RALGPS1: variants seen among roughly 807,000 people sequenced by gnomAD.
The protein encoded by RALGPS1 is Ral GEF with PH domain and SH3 binding motif 1, also known as ras-specific guanine nucleotide-releasing factor RalGPS1.
In RALGPS1, 19 loss-of-function variants were observed where a neutral mutation model predicts 78.8. The observed-to-expected ratio is 0.24, with a 90% CI of 0.17 to 0.35. The LOEUF (loss-of-function observed/expected upper bound fraction) is 0.35, where lower values mean the gene tolerates loss of function less well. Ranked by LOEUF, RALGPS1 falls within the 10% of genes least tolerant of loss-of-function variation. RALGPS1 has a pLI of 1.00. For missense variants in RALGPS1, 454 were observed against 688.3 expected (o/e 0.66, Z 3.81); for synonymous variants, 228 against 256.3 (o/e 0.89, Z 1.06).
chr9:127,051,843 A>C (rs1589221458), intron 6 of RALGPS1, among the ~76,000 whole-genome samples: 3 of 152,218 alleles, frequency 2.0e-5, no homozygotes, highest in East Asian at 1.9e-4. Context: ...AAGCAAGTAC[A>C]ATCCAGTGTG....
At position 127,221,477 on chromosome 9, in the gene RALGPS1, C is replaced by T. The variant is rs1053658818; in HGVS notation, c.*2708C>T. 3 of 152,210 alleles carry T rather than the reference C, an allele frequency of 2.0e-5. No homozygotes were observed. The highest frequency in any genetic ancestry group is 7.2e-5 in the African/African-American group (3 of 41,454). 9.4% of individuals were successfully genotyped at this position (152,210 alleles called of 1,614,324 possible). On this transcript the variant is annotated 3_prime_UTR_variant, in exon 19 of 19. Transcript: ENST00000259351. ...TTGTTGTCTCAAGAACAACTCACCTCTCTCCCTAGGACTAATTTTTGTCTC... is the reference window on the plus strand; with the variant it reads ...TTGTTGTCTCAAGAACAACTCACCTTTCTCCCTAGGACTAATTTTTGTCTC...
rs116416729 is a variant in RALGPS1, at chr9:127,086,679, C to T, written c.610+17323C>T. Among the ~76,000 whole-genome samples, 312 of 152,086 alleles carry T rather than the reference C, an allele frequency of 2.1e-3. 1 individual carries two copies. Among genetic ancestry groups the T allele is most frequent in the African/African-American group, 7.1e-3 (293 of 41,492 alleles). On this transcript the variant is annotated intron_variant, in intron 8 of 18. Transcript: ENST00000259351. ...ATCTTGGTCATGTTTTATTTTTTTGCTTTGTTTTTTGGAAAGCAGAAAATT... is the reference window on the plus strand; with the variant it reads ...ATCTTGGTCATGTTTTATTTTTTTGTTTTGTTTTTTGGAAAGCAGAAAATT...
intron 4 of RALGPS1, among the ~76,000 whole-genome samples, chr9:126,986,344 G>T (rs1269462416): frequency 6.6e-6 from 1 of 152,204 alleles, no homozygotes; most frequent in Non-Finnish European, 1.5e-5. Context: ...TCTCACAGCT[G>T]TGTTGAACTT....
Position 127,027,219 on chromosome 9 carries a change from T to C in RALGPS1, c.217-7212T>C, listed in dbSNP as rs76556681. 6.4e-3 allele frequency among the ~76,000 whole-genome samples: 972 copies of C among 152,340 alleles called. 8 individuals are homozygous for C. The highest frequency in any genetic ancestry group is 0.022 in the African/African-American group (907 of 41,590). On this transcript the variant is annotated intron_variant, in intron 4 of 18. Coordinates refer to ENST00000259351, the MANE Select transcript of RALGPS1 (RefSeq NM_014636.3). Reference sequence around the variant, plus strand: ...AGTGCCCTCCACTCCATTCTCTTCCTAGTTTAGGTCTATCTTTTACTTCTG... The same window carrying C: ...AGTGCCCTCCACTCCATTCTCTTCCCAGTTTAGGTCTATCTTTTACTTCTG...
intron 4 of RALGPS1, among the ~76,000 whole-genome samples, chr9:127,005,621 G>A (rs1351977554): frequency 6.6e-6 from 1 of 152,134 alleles, no homozygotes; most frequent in Non-Finnish European, 1.5e-5. Context: ...GACTACACAG[G>A]AGTTCACTGG....
chr9:126,921,607 C>G (rs1292871789), intron 1 of RALGPS1, among the ~76,000 whole-genome samples: 1 of 152,214 alleles, frequency 6.6e-6, no homozygotes, highest in Non-Finnish European at 1.5e-5. Context: ...ATCAGAGAGG[C>G]AGATAGGGCA....
At chr9:127,134,885 C>T (rs985413980) in intron 8 of RALGPS1, among the ~76,000 whole-genome samples, 1 of 152,196 alleles carries the variant, frequency 6.6e-6, no homozygotes, top group Non-Finnish European at 1.5e-5. Context: ...CCCTGCCCAA[C>T]ACCCATGCTC....
At chr9:126,935,005 A>G (rs987628702) in intron 1 of RALGPS1, among the ~76,000 whole-genome samples, 1 of 152,110 alleles carries the variant, frequency 6.6e-6, no homozygotes, top group African/African-American at 2.4e-5. Flanking sequence ...GGAACTACGA[A>G]CTGGTTGACC....
In RALGPS1 at chr9:127,189,814, C is replaced by T. The variant is rs144047836; in HGVS notation, c.911-5277C>T. ...AGCCTAACCCAGCGAGGGGCCAGAG[C>T]GGGCCAGGGAGCCTACTGACCTAGC... On this transcript the variant is annotated intron_variant, in intron 11 of 18. Transcript: ENST00000259351. Among the ~76,000 whole-genome samples, 727 of 152,304 alleles carry T rather than the reference C, an allele frequency of 4.8e-3. 3 individuals carry two copies. The highest frequency in any genetic ancestry group is 8.0e-3 in the Admixed American group (122 of 15,306).
chr9:127,143,032 T>C (rs1046270898), intron 8 of RALGPS1, among the ~76,000 whole-genome samples: 3 of 152,234 alleles, frequency 2.0e-5, no homozygotes, highest in African/African-American at 7.2e-5. Context: ...TCCAGTACTT[T>C]GTGGTTCTGT....
chr9:127,039,601 G>A (rs1203798158), intron 5 of RALGPS1, among the ~76,000 whole-genome samples: 3 of 152,176 alleles, frequency 2.0e-5, no homozygotes, highest in Non-Finnish European at 2.9e-5. Flanking sequence ...AAAAGTTAAA[G>A]ATGAGGAGAG....
rs548510827 is a variant in RALGPS1 at position 127,034,611 on chromosome 9, C to G, written c.300+97C>G. On this transcript the variant is annotated intron_variant, in intron 5 of 18. Transcript: ENST00000259351. ...CACCCAAAGCTGTCTCCCAGGCTCC[C>G]AGCTGGCCCCAGATCCAGCTTCTCA... 324 of 1,027,040 alleles carry G rather than the reference C, an allele frequency of 3.2e-4. 4 individuals carry two copies. In the South Asian group the frequency reaches 3.9e-3, roughly 12 times the overall value. 63.6% of individuals were successfully genotyped at this position (1,027,040 alleles called of 1,614,324 possible).
chr9:127,114,172 C>T (rs544849641), intron 8 of RALGPS1, among the ~76,000 whole-genome samples: 1 of 152,324 alleles, frequency 6.6e-6, no homozygotes, highest in Admixed American at 6.5e-5. Flanking sequence ...CCCACTTGAG[C>T]ACTGTGCTAC....
chr9:127,212,520 A>T lies in RALGPS1; in HGVS notation c.1354-107A>T. On this transcript the variant is annotated intron_variant, in intron 15 of 18. Transcript: ENST00000259351. The surrounding 1 kb of genome is among the most constrained non-coding windows in gnomAD (Gnocchi z 6.0). The stretch of plus-strand genomic sequence containing the variant: ...GGGGTGGTGGAGGGCCAGGGAAGAG[A>T]TGGGGCCTGCACTGGCATTGATGGG... The T allele has an allele frequency of 1.3e-6, 1 of 788,818 alleles. No individual in the cohort carries two copies. Among genetic ancestry groups the T allele is most frequent in the South Asian group, 1.8e-5 (1 of 55,636 alleles). 48.9% of individuals were successfully genotyped at this position (788,818 alleles called of 1,614,324 possible). A position where few individuals can be genotyped will look rare whatever the true frequency, so the allele number is the denominator to read the frequency against.
chr9:127,074,136 C>A (rs969011845), intron 8 of RALGPS1, among the ~76,000 whole-genome samples: 1 of 152,198 alleles, frequency 6.6e-6, no homozygotes, highest in African/African-American at 2.4e-5. Context: ...CCTGCCTCAG[C>A]CTCCCAAAGT....
chr9:127,102,538 C>G (rs1167477469), intron 8 of RALGPS1, among the ~76,000 whole-genome samples: 1 of 152,152 alleles, frequency 6.6e-6, no homozygotes, highest in Non-Finnish European at 1.5e-5. Flanking sequence ...ATTTTTTTAA[C>G]AGTAACAAGT....
chr9:127,144,723 C>G (rs2057998244), intron 8 of RALGPS1, among the ~76,000 whole-genome samples: 1 of 152,194 alleles, frequency 6.6e-6, no homozygotes, highest in Non-Finnish European at 1.5e-5. Context: ...CTTGAAAACG[C>G]TAAGTGAAAG....
At chr9:126,974,991 T>C (rs10987529) in intron 3 of RALGPS1, among the ~76,000 whole-genome samples, 84,653 of 151,596 alleles carry the variant, frequency 0.56, 27,638 homozygotes, top group East Asian at 0.81. Flanking sequence ...TAAAACTGAG[T>C]GGCCTTGAGG....
At position 127,220,803 on chromosome 9, in the gene RALGPS1, G is replaced by A. The variant is rs772811885; in HGVS notation, c.*2034G>A. 2.0e-5 allele frequency: 3 copies of A among 152,420 alleles called. No individual in the cohort carries two copies. Among genetic ancestry groups the A allele is most frequent in the Non-Finnish European group, 4.4e-5 (3 of 68,044 alleles). The allele number at this position is 152,420 out of a possible 1,614,324, so 9.4% of individuals were successfully genotyped here. A position where few individuals can be genotyped will look rare whatever the true frequency, so the allele number is the denominator to read the frequency against. On this transcript the variant is annotated 3_prime_UTR_variant, in exon 19 of 19. Coordinates refer to ENST00000259351, the MANE Select transcript of RALGPS1 (RefSeq NM_014636.3). ...TTTTTCCACTCTGCAAACTGTCCTGGTTTTTCACACCAATGAAGTATTATA... is the reference window on the plus strand; with the variant it reads ...TTTTTCCACTCTGCAAACTGTCCTGATTTTTCACACCAATGAAGTATTATA...
Sources: gnomAD v4.1 joint callset for allele counts (sites outside exome capture counted in the v4.1 genomes callset) on GRCh38, gnomAD v4.1.1 for gene constraint, Gnocchi (gnomAD v3.1) non-coding constraint, MANE v1.5 for transcripts, NCBI Gene and HGNC (gene_info 2026-07-23, HGNC 2026-07-21) for gene names.